IL21R: variants seen among roughly 807,000 people sequenced by gnomAD.
IL21R encodes the protein interleukin 21 receptor.
In IL21R, 14 loss-of-function variants were observed where a neutral mutation model predicts 41.3. The observed-to-expected ratio is 0.34, with a 90% CI of 0.22 to 0.53. IL21R has a LOEUF of 0.53. Among genes scored for constraint, IL21R ranks in the 20% least tolerant of loss-of-function variants. IL21R has a pLI of 0.94. For missense variants in IL21R, 588 were observed against 681.6 expected, an observed-to-expected ratio of 0.86 and a Z score of 1.53; for synonymous variants, 286 against 287.6, an observed-to-expected ratio of 0.99 and a Z score of 0.05.
At chr16:27,445,351 G>A in intron 7 of IL21R, 75 bp downstream of exon 7, 1 of 908,078 alleles carries the variant, frequency 1.1e-6, no homozygotes, top group Non-Finnish European at 1.8e-6. Flanking sequence ...ATGCAGGGTT[G>A]GAAAACATGA....
Position 27,443,678 on chromosome 16 carries a change from G to A in IL21R, c.507+562G>A, listed in dbSNP as rs542275099. On this transcript the variant is annotated intron_variant, in intron 5 of 8. Coordinates refer to ENST00000337929, the MANE Select transcript of IL21R (RefSeq NM_181078.3). ...ATGCACCTGTAATCCAGCTATTCTG[G>A]AGGCTTAGGCAGGAGAATCACTTGA... Among the ~76,000 whole-genome samples the A allele has an allele frequency of 3.3e-5, 5 of 152,146 alleles. No individual in the cohort carries two copies. In the South Asian group the frequency reaches 1.0e-3, roughly 32 times the overall value.
At position 27,448,750 on chromosome 16, in the gene IL21R, G is replaced by A. The variant is rs764240787; in HGVS notation, c.1084G>A (p.Ala362Thr). Residue 362 changes from alanine (A) to threonine (T), a missense_variant, in exon 9 of 9, where the codon GCT becomes ACT. By Grantham distance (58) the Ala-to-Thr change is moderately conservative. Coordinates refer to ENST00000337929, the MANE Select transcript of IL21R (RefSeq NM_181078.3). ...GACAGCCCAGAACTCGGGGGGCTCA[G>A]CTTACAGTGAGGAGAGGGATCGGCC... ...WPTAQNSGGSAYSEERDRPYG... is the reference protein window; with the variant it reads ...WPTAQNSGGSTYSEERDRPYG... 1 of 1,613,580 alleles carries A rather than the reference G, an allele frequency of 6.2e-7. No individual in the cohort carries two copies. The highest frequency in any genetic ancestry group is 8.5e-7 in the Non-Finnish European group (1 of 1,180,014).
At chr16:27,407,791 C>T (rs1431305063) in intron 1 of IL21R, among the ~76,000 whole-genome samples, 2 of 152,208 alleles carry the variant, frequency 1.3e-5, no homozygotes, top group Non-Finnish European at 2.9e-5. Flanking sequence ...TGCCACTGCA[C>T]TCCAGCATGG....
At chr16:27,409,673 A>G (rs1306531952) in intron 1 of IL21R, among the ~76,000 whole-genome samples, 2 of 152,202 alleles carry the variant, frequency 1.3e-5, no homozygotes, top group Non-Finnish European at 2.9e-5. Context: ...AAGTGGTTGA[A>G]TACATGAGTT....
intron 8 of IL21R, 128 bp downstream of exon 8, chr16:27,446,216 C>T (rs1248630084): frequency 6.5e-6 from 4 of 617,594 alleles, no homozygotes; most frequent in Non-Finnish European, 1.1e-5. Context: ...AGCCAAGCCA[C>T]AAGCCAGGCC....
At chr16:27,439,360 A>G (rs1332852442) in intron 4 of IL21R, among the ~76,000 whole-genome samples, 1 of 150,178 alleles carries the variant, frequency 6.7e-6, no homozygotes, top group Non-Finnish European at 1.5e-5. Flanking sequence ...TCACACATAC[A>G]TACACACACA....
intron 2 of IL21R, among the ~76,000 whole-genome samples, chr16:27,430,329 C>T (rs566605091): frequency 1.3e-5 from 2 of 152,222 alleles, no homozygotes; most frequent in Non-Finnish European, 2.9e-5. Context: ...GAAACAGAAG[C>T]GGTAGACATG....
intron 6 of IL21R, 46 bp downstream of exon 6, chr16:27,444,765 T>G (rs1344825474): frequency 4.8e-6 from 7 of 1,458,816 alleles, no homozygotes; most frequent in Non-Finnish European, 6.3e-6. Flanking sequence ...GTATCAAATT[T>G]TGTCCTGTTC....
At chr16:27,443,160 G>A in intron 5 of IL21R, 44 bp downstream of exon 5, 1 of 1,527,516 alleles carries the variant, frequency 6.5e-7, no homozygotes, top group Non-Finnish European at 8.8e-7. Context: ...GAGGGGAGGG[G>A]AGATGACGGA....
chr16:27,418,004 CTATTTTATTTATTTT>C (rs764369987), intron 1 of IL21R, among the ~76,000 whole-genome samples: 35 of 134,656 alleles, frequency 2.6e-4, no homozygotes, highest in South Asian at 2.3e-4. Context: ...AACATTTTTC[CTATTTTATTTATTTT>C]ATTTTATTTT....
At chr16:27,436,980 G>A (rs1474032334) in intron 3 of IL21R, among the ~76,000 whole-genome samples, 2 of 152,098 alleles carry the variant, frequency 1.3e-5, no homozygotes, top group African/African-American at 2.4e-5. Flanking sequence ...AGGCTGAGGT[G>A]GGAGGATCAG....
intron 4 of IL21R, among the ~76,000 whole-genome samples, chr16:27,440,252 G>T (rs868522025): frequency 0.021 from 1,822 of 88,266 alleles, 14 homozygotes; most frequent in South Asian, 0.026. Context: ...TATATATAGA[G>T]AGAGAGAGAG....
In IL21R at chr16:27,451,248, C is replaced by T; in HGVS notation, c.*1965C>T. The T allele has an allele frequency of 4.3e-6, 1 of 230,348 alleles. No individual in the cohort carries two copies. Among genetic ancestry groups the T allele is most frequent in the Non-Finnish European group, 8.6e-6 (1 of 116,472 alleles). The allele number at this position is 230,348 out of a possible 1,614,324, so 14.3% of individuals were successfully genotyped here. ...TGGGTGCCACCTGAGCCACAGGCTCCCAGGAAAGCAGCACAGCTCTCCTGC... is the reference window on the plus strand; with the variant it reads ...TGGGTGCCACCTGAGCCACAGGCTCTCAGGAAAGCAGCACAGCTCTCCTGC... On this transcript the variant is annotated 3_prime_UTR_variant, in exon 9 of 9. Coordinates refer to ENST00000337929, the MANE Select transcript of IL21R (RefSeq NM_181078.3).
chr16:27,432,363 T>C (rs145188221), intron 2 of IL21R, among the ~76,000 whole-genome samples: 1 of 152,324 alleles, frequency 6.6e-6, no homozygotes, highest in African/African-American at 2.4e-5. Context: ...AGCTACTTTG[T>C]GCACCTCTCA....
chr16:27,450,140 C>G lies in IL21R; in HGVS notation c.*857C>G, dbSNP rs1302719103. ...AATCGTCAGCGACAGCCTGGGCACC[C>G]GCGGGGCCGTCCCGCCTGCAGAGGG... On this transcript the variant is annotated 3_prime_UTR_variant, in exon 9 of 9. Transcript: ENST00000337929. The G allele has an allele frequency of 4.3e-6, 1 of 232,832 alleles. No individual in the cohort carries two copies. Among genetic ancestry groups the G allele is most frequent in the African/African-American group, 2.2e-5 (1 of 45,324 alleles). 14.4% of individuals were successfully genotyped at this position (232,832 alleles called of 1,614,324 possible). A position where few individuals can be genotyped will look rare whatever the true frequency, so the allele number is the denominator to read the frequency against.
rs777784094 is a variant in IL21R, at chr16:27,449,087, CAG to C, written c.1426_1427del (p.Ser476Ter). The stretch of plus-strand genomic sequence containing the variant: ...GGTGGCCGGTCACCTGGAGGGGTCT[CAG>C]AGAGTGAGGCGGGCTCACCCCTGGC... On this transcript the variant is annotated frameshift_variant, in exon 9 of 9. Transcript: ENST00000337929. LOFTEE classifies it high-confidence loss of function. The C allele has an allele frequency of 6.2e-7, 1 of 1,613,454 alleles. No homozygotes were observed. Among genetic ancestry groups the C allele is most frequent in the South Asian group, 1.1e-5 (1 of 91,068 alleles).
chr16:27,435,923 C>T (rs2087261913), intron 3 of IL21R, among the ~76,000 whole-genome samples: 1 of 152,120 alleles, frequency 6.6e-6, no homozygotes, highest in African/African-American at 2.4e-5. Flanking sequence ...CAGGTGTGCA[C>T]CACCATGCCT....
chr16:27,418,535 AT>A (rs888050288), intron 1 of IL21R, among the ~76,000 whole-genome samples: 1 of 151,394 alleles, frequency 6.6e-6, no homozygotes, highest in East Asian at 2.0e-4. Flanking sequence ...CGCTCGGCTA[AT>A]TTTTTTGGTA....
At chr16:27,437,067 C>T (rs1182296451) in intron 3 of IL21R, among the ~76,000 whole-genome samples, 4 of 152,086 alleles carry the variant, frequency 2.6e-5, no homozygotes. Context: ...GAGTGAGACC[C>T]TGTCTCAAAA....
Sources: allele counts gnomAD v4.1 joint callset (sites outside exome capture counted in the v4.1 genomes callset), GRCh38; gene constraint gnomAD v4.1.1; transcripts MANE v1.5; gene names NCBI Gene and HGNC (gene_info 2026-07-23, HGNC 2026-07-21).